Variants in EHBP1 observed in about 807,000 individuals in gnomAD.
EHBP1 encodes EH domain binding protein 1.
A neutral mutation model predicts 144.0 loss-of-function variants in EHBP1; 55 were observed. The ratio of observed to expected loss-of-function variants is 0.38; its 90% confidence interval spans 0.31 to 0.48. The LOEUF (loss-of-function observed/expected upper bound fraction) is 0.48. EHBP1 is among the 20% of genes least tolerant of loss of function. EHBP1 has a pLI of 0.98. For missense variants in EHBP1, 1,200 were observed against 1,364.2 expected (o/e 0.88, Z 1.90); for synonymous variants, 469 against 472.7 (o/e 0.99, Z 0.10).
At chr2:62,962,782 C>A (rs752796085) in intron 14 of EHBP1, among the ~76,000 whole-genome samples, 1 of 152,150 alleles carries the variant, frequency 6.6e-6, no homozygotes, top group Non-Finnish European at 1.5e-5. Flanking sequence ...TTTGTTTAAG[C>A]AGTAATTACG....
At chr2:62,712,224 G>A (rs1171463651) in intron 2 of EHBP1, among the ~76,000 whole-genome samples, 2 of 152,138 alleles carry the variant, frequency 1.3e-5, no homozygotes, top group Non-Finnish European at 2.9e-5. Context: ...TGTTACAAGG[G>A]GAGAAGCAGG....
intron 10 of EHBP1, among the ~76,000 whole-genome samples, chr2:62,914,262 C>T (rs2054440533): frequency 6.6e-6 from 1 of 152,002 alleles, no homozygotes; most frequent in African/African-American, 2.4e-5. Flanking sequence ...ACTTGAAAAA[C>T]TATTATTTAA....
chr2:62,830,151 T>TATACACAC (rs1397330945), intron 6 of EHBP1, among the ~76,000 whole-genome samples: 1 of 64,794 alleles, frequency 1.5e-5, no homozygotes, highest in Non-Finnish European at 3.2e-5. Flanking sequence ...TATATATATA[T>TATACACAC]AGACACACAC....
At chr2:62,889,047 C>CTTTTTT (rs71410971) in intron 10 of EHBP1, among the ~76,000 whole-genome samples, 413 of 39,752 alleles carry the variant, frequency 0.01, 52 homozygotes, top group Middle Eastern at 0.023. Flanking sequence ...GTAGGTACCT[C>CTTTTTT]TTTTTTTTTT....
chr2:62,912,853 A>G (rs533912429), intron 10 of EHBP1, among the ~76,000 whole-genome samples: 3 of 152,250 alleles, frequency 2.0e-5, no homozygotes, highest in South Asian at 4.2e-4. Context: ...TCTGCCTCCA[A>G]CAAGTAGAAG....
At chr2:62,860,444 C>T (rs1195805621) in intron 8 of EHBP1, among the ~76,000 whole-genome samples, 2 of 151,910 alleles carry the variant, frequency 1.3e-5, no homozygotes, top group African/African-American at 2.4e-5. Flanking sequence ...TGACCAAGAT[C>T]GCGCCATTGC....
intron 5 of EHBP1, among the ~76,000 whole-genome samples, chr2:62,785,811 C>G (rs763772377): frequency 6.6e-6 from 1 of 152,158 alleles, no homozygotes; most frequent in Non-Finnish European, 1.5e-5. Context: ...ATGCTGTAAA[C>G]TACTGTAATA....
intron 4 of EHBP1, among the ~76,000 whole-genome samples, chr2:62,769,028 C>T (rs527993913): frequency 3.9e-5 from 6 of 152,092 alleles, no homozygotes; most frequent in South Asian, 4.2e-4. Context: ...TAATAGCTAT[C>T]GATGACAAAC....
At chr2:62,999,234 CACT>C (rs2059756603) in intron 19 of EHBP1, among the ~76,000 whole-genome samples, 1 of 152,122 alleles carries the variant, frequency 6.6e-6, no homozygotes, top group Non-Finnish European at 1.5e-5. Context: ...CCTCTTTCCC[CACT>C]ACATCTTCTT....
chr2:62,898,621 A>G (rs1309575990), intron 10 of EHBP1, among the ~76,000 whole-genome samples: 1 of 152,100 alleles, frequency 6.6e-6, no homozygotes, highest in Admixed American at 6.6e-5. Context: ...TCACTATATC[A>G]TACCTATGTA....
chr2:62,841,519 T>G, intron 7 of EHBP1, among the ~76,000 whole-genome samples: 1 of 152,084 alleles, frequency 6.6e-6, no homozygotes, highest in East Asian at 1.9e-4. Flanking sequence ...AAAGCAAAAT[T>G]TATTGACTCT....
chr2:62,978,294 G>T (rs1353798755), intron 14 of EHBP1, among the ~76,000 whole-genome samples: 2 of 150,710 alleles, frequency 1.3e-5, no homozygotes, highest in Non-Finnish European at 3.0e-5. Flanking sequence ...TCCGCCTCCT[G>T]GGTTCAAGTG....
chr2:62,763,730 C>A (rs1487972235), intron 3 of EHBP1, among the ~76,000 whole-genome samples: 1 of 152,028 alleles, frequency 6.6e-6, no homozygotes, highest in Non-Finnish European at 1.5e-5. Context: ...GAAAAAAATA[C>A]CTATAATTAT....
At chr2:62,865,611 T>C (rs529339428) in intron 9 of EHBP1, among the ~76,000 whole-genome samples, 2 of 152,302 alleles carry the variant, frequency 1.3e-5, no homozygotes, top group South Asian at 4.1e-4. Context: ...CTTCCAGTCA[T>C]GATGGGATAA....
At chr2:62,842,688 C>G (rs1311227541) in intron 7 of EHBP1, among the ~76,000 whole-genome samples, 1 of 152,056 alleles carries the variant, frequency 6.6e-6, no homozygotes, top group East Asian at 1.9e-4. Flanking sequence ...TTTTATAATT[C>G]CAGTGGGTTA....
chr2:62,704,364 C>T (rs755460640), upstream of EHBP1, among the ~76,000 whole-genome samples: 17 of 152,186 alleles, frequency 1.1e-4, no homozygotes, highest in Non-Finnish European at 2.2e-4. Context: ...ACATGTCTCT[C>T]CACTTTGTCT....
intron 2 of EHBP1, among the ~76,000 whole-genome samples, chr2:62,708,567 G>C (rs1428295499): frequency 1.3e-5 from 2 of 152,156 alleles, no homozygotes; most frequent in Non-Finnish European, 2.9e-5. Context: ...TCATGGGGAG[G>C]GTAATTGTGA....
At chr2:62,723,137 T>G (rs1326389340) in intron 2 of EHBP1, among the ~76,000 whole-genome samples, 2 of 152,214 alleles carry the variant, frequency 1.3e-5, no homozygotes, top group African/African-American at 4.8e-5. Flanking sequence ...TTTGAAGGTC[T>G]CGAAGAAATT....
chr2:62,715,976 T>G (rs2035633700), intron 2 of EHBP1, among the ~76,000 whole-genome samples: 1 of 152,172 alleles, frequency 6.6e-6, no homozygotes, highest in Non-Finnish European at 1.5e-5. Flanking sequence ...ATTTCACATC[T>G]TGGAGTAAGA....
Sources: gnomAD v4.1 joint callset for allele counts (sites outside exome capture counted in the v4.1 genomes callset) on GRCh38, gnomAD v4.1.1 for gene constraint, MANE v1.5 for transcripts, NCBI Gene and HGNC (gene_info 2026-07-23, HGNC 2026-07-21) for gene names.